CPLANE2: variants seen among roughly 807,000 people sequenced by gnomAD.
The protein encoded by CPLANE2 is ciliogenesis and planar polarity effector 2.
A neutral mutation model predicts 20.9 loss-of-function variants in CPLANE2; 24 were observed. The ratio of observed to expected loss-of-function variants is 1.15; its 90% CI spans 0.83 to 1.61. The LOEUF (loss-of-function observed/expected upper bound fraction) is 1.61, where lower values mean the gene tolerates loss of function less well. Among genes scored for constraint, CPLANE2 ranks in the 40% most tolerant of loss-of-function variants. The pLI is 0.00. For missense variants in CPLANE2, 330 were observed against 355.1 expected (o/e 0.93, Z 0.57); for synonymous variants, 132 against 144.3 (o/e 0.92, Z 0.61).
chr1:16,232,749 C>G, intron 3 of CPLANE2, 103 bp from the exon 4 acceptor site: 1 of 1,570,976 alleles, frequency 6.4e-7, no homozygotes, highest in South Asian at 1.2e-5. Context: ...AAACTGAGGC[C>G]CAGAGCAAGG....
rs114975486 is a variant in CPLANE2, at chr1:16,232,908, G to A, written c.375C>T (p.Phe125=). 1.4e-3 allele frequency: 2,201 copies of A among 1,614,106 alleles called. 24 individuals carry two copies. In the African/African-American group the frequency reaches 0.022, roughly 16 times the overall value. Residue 125 remains phenylalanine (F), a synonymous_variant, in exon 3 of 5, where the codon TTC becomes TTT. Coordinates refer to ENST00000375599, the MANE Select transcript of CPLANE2 (RefSeq NM_030907.4). The part of the protein sequence containing the change: ...WDCGESALKK[F]DHMLLACMEN... ...GCCTGCTCACCAGCAGCATATGATC[G>A]AACTTTTTGAGTGCAGACTCTCCAC... is the stretch of plus-strand genomic sequence containing the variant.
At chr1:16,235,689 T>C (rs1266788856) in intron 1 of CPLANE2, among the ~76,000 whole-genome samples, 2 of 150,518 alleles carry the variant, frequency 1.3e-5, no homozygotes, top group African/African-American at 4.9e-5. Context: ...TTTTTTTTTT[T>C]TTTTTTTTGA....
chr1:16,232,354 C>T (rs2081427443), intron 4 of CPLANE2, 57 bp from the exon 5 acceptor site: 11 of 1,541,536 alleles, frequency 7.1e-6, no homozygotes, highest in Non-Finnish European at 9.6e-6. Context: ...CCATCAGACC[C>T]TGCCTCTCCC....
rs961152780 is a variant in CPLANE2, at chr1:16,236,004, T to C, written c.112+627A>G. On this transcript the variant is annotated intron_variant, in intron 1 of 4. Coordinates refer to ENST00000375599, the MANE Select transcript of CPLANE2 (RefSeq NM_030907.4). ...AGAGGGTCATTTTTTGAATTTAATA[T>C]AATTTCTTTTAAAAAAACAAACAAA... 5.3e-5 allele frequency among the ~76,000 whole-genome samples: 8 copies of C among 152,164 alleles called. No individual in the cohort carries two copies. The East Asian group carries it at 5.8e-4, about 11-fold the overall frequency.
chr1:16,231,962 G>T lies in CPLANE2; in HGVS notation c.*86C>A. 1 of 1,536,462 alleles carries T rather than the reference G, an allele frequency of 6.5e-7. No homozygotes were observed. ...TCAGGCCATGCTGGCCAGTCCTCCA[G>T]ATAGGATCCATGTTCCTGCCCCAGC... On this transcript the variant is annotated 3_prime_UTR_variant, in exon 5 of 5. Transcript: ENST00000375599.
intron 2 of CPLANE2, 117 bp from the exon 3 acceptor site, chr1:16,233,134 G>C: frequency 8.7e-7 from 1 of 1,143,018 alleles, no homozygotes; most frequent in East Asian, 2.4e-5. Flanking sequence ...TCCCTAGTTT[G>C]ATGAGGGAGG....
At chr1:16,236,527 C>T (rs959977232) in intron 1 of CPLANE2, 104 bp downstream of exon 1, 2 of 856,776 alleles carry the variant, frequency 2.3e-6, no homozygotes, top group Non-Finnish European at 3.8e-6. Flanking sequence ...GTGGAGCAGG[C>T]CCTCACTGCC....
intron 1 of CPLANE2, among the ~76,000 whole-genome samples, chr1:16,236,232 G>A (rs1411740700): frequency 6.6e-6 from 1 of 152,166 alleles, no homozygotes; most frequent in Non-Finnish European, 1.5e-5. Context: ...GCAGGACATG[G>A]AAGAGGCTCA....
chr1:16,232,275 C>A lies in CPLANE2; in HGVS notation c.550G>T (p.Asp184Tyr). ...GSKFDQYMHT[D>Y]VPERDLTAFR... ...GCTGTGAGGTCCCGCTCGGGCACGT[C>A]CGTGTGCATGTACTGGTCAAATCTG... is the stretch of plus-strand genomic sequence containing the variant. Residue 184 changes from aspartate (D) to tyrosine (Y), a missense_variant, in exon 5 of 5, where the codon GAC becomes TAC. Physicochemically the swap from Asp to Tyr is radical, Grantham distance 160 (BLOSUM62 -3). Transcript: ENST00000375599. 1 of 1,608,624 alleles carries A rather than the reference C, an allele frequency of 6.2e-7. No homozygotes were observed. Among genetic ancestry groups the A allele is most frequent in the Non-Finnish European group, 8.5e-7 (1 of 1,179,018 alleles).
intron 1 of CPLANE2, among the ~76,000 whole-genome samples, chr1:16,235,190 C>A (rs2081455259): frequency 6.6e-6 from 1 of 152,078 alleles, no homozygotes; most frequent in Non-Finnish European, 1.5e-5. Flanking sequence ...GGTGCATAAA[C>A]CCAGCTGTTA....
chr1:16,236,597 A>G (rs1268724269), intron 1 of CPLANE2, 34 bp downstream of exon 1: 2 of 1,480,400 alleles, frequency 1.4e-6, no homozygotes, highest in Non-Finnish European at 1.8e-6. Context: ...GGGAAAGACA[A>G]GTGGCGGGCT....
At chr1:16,233,375 A>G (rs1394970743) in intron 2 of CPLANE2, among the ~76,000 whole-genome samples, 1 of 152,210 alleles carries the variant, frequency 6.6e-6, no homozygotes, top group East Asian at 1.9e-4. Flanking sequence ...TTTCCTGAGC[A>G]TTTACCTTGA....
Position 16,233,828 on chromosome 1 carries a change from T to G in CPLANE2, c.113-64A>C, listed in dbSNP as rs185329049. 3.7e-5 allele frequency: 58 copies of G among 1,587,934 alleles called. No homozygotes were observed. In the East Asian group the frequency reaches 1.3e-3, roughly 34 times the overall value. ...TGTGGTTTGAAGGTGTCCCCCAGAG[T>G]TCATGTGTTGGAAACTTAATCGCCA... On this transcript the variant is annotated intron_variant, in intron 1 of 4. Coordinates refer to ENST00000375599, the MANE Select transcript of CPLANE2 (RefSeq NM_030907.4).
intron 4 of CPLANE2, 103 bp downstream of exon 4, chr1:16,232,407 G>A: frequency 1.9e-6 from 3 of 1,544,862 alleles, no homozygotes; most frequent in Non-Finnish European, 1.7e-6. Context: ...TAGCCATGCT[G>A]TACCCTTTAA....
Position 16,236,826 on chromosome 1 carries a change from CTG to C in CPLANE2, c.-86_-85del. On this transcript the variant is annotated 5_prime_UTR_variant, in exon 1 of 5. Coordinates refer to ENST00000375599, the MANE Select transcript of CPLANE2 (RefSeq NM_030907.4). The stretch of plus-strand genomic sequence containing the variant: ...GGGGAGTGACAGTACCAAGCCGGGC[CTG>C]TGATCCCTCTTAACTGCCCTCTGAC... The C allele has an allele frequency of 1.9e-6, 2 of 1,037,634 alleles. No individual in the cohort carries two copies. Among genetic ancestry groups the C allele is most frequent in the Non-Finnish European group, 1.5e-6 (1 of 683,002 alleles). The allele number at this position is 1,037,634 out of a possible 1,614,324, so 64.3% of individuals were successfully genotyped here. A position where few individuals can be genotyped will look rare whatever the true frequency, so the allele number is the denominator to read the frequency against.
At chr1:16,232,683 A>C in intron 3 of CPLANE2, 37 bp from the exon 4 acceptor site, 1 of 1,611,850 alleles carries the variant, frequency 6.2e-7, no homozygotes, top group Non-Finnish European at 8.5e-7. Context: ...GTCACCCCCC[A>C]TCAGCTGCAG....
intron 1 of CPLANE2, 41 bp downstream of exon 1, chr1:16,236,590 A>G (rs1368111829): frequency 6.8e-7 from 1 of 1,461,854 alleles, no homozygotes; most frequent in East Asian, 2.5e-5. Context: ...CTCCCCAGGG[A>G]AAGACAAGTG....
Position 16,234,471 on chromosome 1 carries a change from G to A in CPLANE2, c.113-707C>T, listed in dbSNP as rs534208926. ...AGCAGCATAAAATGGACTAAGACGC[G>A]GGTAAATCCTGCACTTGCCCCATCA... On this transcript the variant is annotated intron_variant, in intron 1 of 4. Transcript: ENST00000375599. Among the ~76,000 whole-genome samples, 13 of 152,244 alleles carry A rather than the reference G, an allele frequency of 8.5e-5. No individual in the cohort carries two copies. The East Asian group carries it at 1.7e-3, about 20-fold the overall frequency.
Position 16,233,753 on chromosome 1 carries a change from G to A in CPLANE2, c.124C>T (p.Arg42Trp), listed in dbSNP as rs145675226. 7.4e-4 allele frequency: 1,187 copies of A among 1,614,072 alleles called. No homozygotes were observed. The highest frequency in any genetic ancestry group is 8.7e-4 in the Non-Finnish European group (1,028 of 1,179,988). The change falls in exon 2 of 5, where the codon CGG becomes TGG. Residue 42 changes from arginine (R) to tryptophan (W), a missense_variant. By Grantham distance (101) the Arg-to-Trp change is moderately radical (BLOSUM62 -3). Transcript: ENST00000375599. Reference sequence around the variant, plus strand: ...GACACAGGCGGCAGCAGCACTGGCCGCTCAAGCAGCCCTAGGGCAAAGAGA... The same window carrying A: ...GACACAGGCGGCAGCAGCACTGGCCACTCAAGCAGCCCTAGGGCAAAGAGA... ...NRRRVFGLLERPVLLPPVSID... is the reference protein window; with the variant it reads ...NRRRVFGLLEWPVLLPPVSID...
Sources: gnomAD v4.1 joint callset for allele counts (sites outside exome capture counted in the v4.1 genomes callset) on GRCh38, gnomAD v4.1.1 for gene constraint, MANE v1.5 for transcripts, NCBI Gene and HGNC (gene_info 2026-07-23, HGNC 2026-07-21) for gene names.